Variants in RNF168 observed in about 807,000 individuals in gnomAD.
RNF168 encodes E3 ubiquitin-protein ligase RNF168.
Under a neutral mutation model 34.9 loss-of-function variants are expected in RNF168, and 34 were observed. That is an observed-to-expected ratio of 0.97 (90% CI 0.74 to 1.30). RNF168 has a LOEUF of 1.30. Among genes scored for constraint, RNF168 ranks in the 50% most tolerant of loss-of-function variants. The probability of loss-of-function intolerance (pLI) is 0.00; values close to 1 mark genes in which losing one functional copy is unlikely to be tolerated. For missense variants in RNF168, 725 were observed against 682.5 expected, an observed-to-expected ratio of 1.06 and a Z score of -0.69; for synonymous variants, 264 against 254.7, an observed-to-expected ratio of 1.04 and a Z score of -0.35.
intron 1 of RNF168, among the ~76,000 whole-genome samples, chr3:196,489,102 C>G (rs890588892): frequency 1.3e-5 from 2 of 152,100 alleles, no homozygotes; most frequent in African/African-American, 4.8e-5. Flanking sequence ...GTGATCCACC[C>G]GCCTTGGCCT....
At chr3:196,498,571 C>G (rs1376087887) in intron 1 of RNF168, among the ~76,000 whole-genome samples, 1 of 152,130 alleles carries the variant, frequency 6.6e-6, no homozygotes, top group East Asian at 1.9e-4. Context: ...GCACAAGAAC[C>G]TTCTCAGCAA....
At chr3:196,500,928 G>A (rs1732868835) in intron 1 of RNF168, among the ~76,000 whole-genome samples, 1 of 152,042 alleles carries the variant, frequency 6.6e-6, no homozygotes, top group South Asian at 2.1e-4. Flanking sequence ...AGCCAGGATG[G>A]TCTCGATCTC....
At chr3:196,481,225 T>A (rs1034791966) in intron 4 of RNF168, among the ~76,000 whole-genome samples, 1 of 152,176 alleles carries the variant, frequency 6.6e-6, no homozygotes, top group Non-Finnish European at 1.5e-5. Flanking sequence ...CTCTCCAGCA[T>A]GAGTCTGAAT....
chr3:196,493,860 T>TA (rs1560274852), intron 1 of RNF168, among the ~76,000 whole-genome samples: 1 of 151,164 alleles, frequency 6.6e-6, no homozygotes, highest in Admixed American at 6.6e-5. Flanking sequence ...AATTTATTTT[T>TA]TTTTTTTTTT....
rs1323893436 is a variant in RNF168 at position 196,472,416 on chromosome 3, TTC to T, written c.1117_1118del (p.Glu373LysfsTer2). The part of the protein sequence containing the change: ...QTNGNNTGET[E>X]NEESCLLISK... ...TGATCAGTAGGCACGACTCTTCATTTTCTGTCTCACCTGTGTTGTTTCCATTT... is the reference window on the plus strand; with the variant it reads ...TGATCAGTAGGCACGACTCTTCATTTTGTCTCACCTGTGTTGTTTCCATTT... On this transcript the variant is annotated frameshift_variant, in exon 6 of 6. Transcript: ENST00000318037. LOFTEE classifies it low-confidence loss of function (END_TRUNC). 2 of 1,613,436 alleles carry T rather than the reference TTC, an allele frequency of 1.2e-6. No homozygotes were observed. Among genetic ancestry groups the T allele is most frequent in the African/African-American group, 2.7e-5 (2 of 74,816 alleles).
chr3:196,470,995 T>C lies in RNF168; in HGVS notation c.*824A>G, dbSNP rs1731984885. ...GAGTTCAAGACCAGCCTGGCCAACA[T>C]GGTGAAATCCCATCTCTACTAAAAG... On this transcript the variant is annotated 3_prime_UTR_variant, in exon 6 of 6. Transcript: ENST00000318037. The C allele has an allele frequency of 6.9e-6, 1 of 145,100 alleles. No individual in the cohort carries two copies. Among genetic ancestry groups the C allele is most frequent in the Admixed American group, 7.0e-5 (1 of 14,356 alleles). The allele number at this position is 145,100 out of a possible 1,614,324, so 9.0% of individuals were successfully genotyped here.
At position 196,488,694 on chromosome 3, in the gene RNF168, T is replaced by A. The variant is rs1478296485; in HGVS notation, c.302-11A>T. 4.5e-6 allele frequency: 7 copies of A among 1,569,546 alleles called. No individual in the cohort carries two copies. Among genetic ancestry groups the A allele is most frequent in the Admixed American group, 3.3e-5 (2 of 59,712 alleles). Reference sequence around the variant, plus strand: ...GCTGATAGTCATCAGCTATTTCATATCAAAAAAGAAAATAACATTATAGGC... The same window carrying A: ...GCTGATAGTCATCAGCTATTTCATAACAAAAAAGAAAATAACATTATAGGC... On this transcript the variant is annotated splice_polypyrimidine_tract_variant and intron_variant, in intron 1 of 5. Transcript: ENST00000318037.
intron 2 of RNF168, 68 bp downstream of exon 2, chr3:196,488,539 A>T: frequency 1.0e-6 from 1 of 978,296 alleles, no homozygotes; most frequent in South Asian, 1.4e-5. Context: ...ACAAAAAACT[A>T]AATTAAAATC....
At chr3:196,478,529 G>A (rs1297361991) in intron 4 of RNF168, among the ~76,000 whole-genome samples, 4 of 152,136 alleles carry the variant, frequency 2.6e-5, no homozygotes, top group Non-Finnish European at 5.9e-5. Context: ...GGCTCGAGAG[G>A]CTGCCCAATT....
At chr3:196,487,348 C>T in intron 3 of RNF168, 51 bp downstream of exon 3, 1 of 1,438,992 alleles carries the variant, frequency 6.9e-7, no homozygotes, top group Middle Eastern at 1.7e-4. Flanking sequence ...GGTTCTGCAG[C>T]AGCGCATACC....
intron 3 of RNF168, among the ~76,000 whole-genome samples, chr3:196,484,198 T>C (rs1373313983): frequency 8.5e-6 from 1 of 117,094 alleles, no homozygotes; most frequent in Non-Finnish European, 1.7e-5. Context: ...TGAGACGCAG[T>C]CTCGCTCTGT....
chr3:196,495,787 G>A (rs1162058871), intron 1 of RNF168, among the ~76,000 whole-genome samples: 4 of 152,142 alleles, frequency 2.6e-5, no homozygotes, highest in Admixed American at 6.6e-5. Flanking sequence ...TTTGGCATCC[G>A]TTTGTAATTC....
At chr3:196,481,243 GA>G (rs1429516983) in intron 4 of RNF168, among the ~76,000 whole-genome samples, 1 of 152,100 alleles carries the variant, frequency 6.6e-6, no homozygotes, top group Non-Finnish European at 1.5e-5. Context: ...AATGCAGGTG[GA>G]GAGTAGCAGG....
At position 196,471,513 on chromosome 3, in the gene RNF168, T is replaced by G. The variant is rs758397245; in HGVS notation, c.*306A>C. On this transcript the variant is annotated 3_prime_UTR_variant, in exon 6 of 6. Coordinates refer to ENST00000318037, the MANE Select transcript of RNF168 (RefSeq NM_152617.4). ...TGAGCAAAGGCCATAAAACATGCAG[T>G]TTTTGGAAAGACAATGGCACTTGAA... 3.6e-5 allele frequency: 12 copies of G among 330,194 alleles called. No individual in the cohort carries two copies. The highest frequency in any genetic ancestry group is 8.7e-5 in the Admixed American group (2 of 22,888). The allele number at this position is 330,194 out of a possible 1,614,324, so 20.5% of individuals were successfully genotyped here.
In RNF168 at chr3:196,471,495, A is replaced by G. The variant is rs556707389; in HGVS notation, c.*324T>C. ...CCAGTCACGACAAAAAGGTGAGCAA[A>G]GGCCATAAAACATGCAGTTTTTGGA... On this transcript the variant is annotated 3_prime_UTR_variant, in exon 6 of 6. Transcript: ENST00000318037. The G allele has an allele frequency of 2.0e-5, 6 of 301,560 alleles. No homozygotes were observed. The highest frequency in any genetic ancestry group is 3.8e-5 in the Non-Finnish European group (6 of 157,528). The allele number at this position is 301,560 out of a possible 1,614,324, so 18.7% of individuals were successfully genotyped here.
At position 196,503,222 on chromosome 3, in the gene RNF168, G is replaced by T; in HGVS notation, c.-49C>A. ...TAAACAACGACACCTGCACGAAAAA[G>T]AATCCTATTTTCGGCCAACCACAGA... On this transcript the variant is annotated 5_prime_UTR_variant, in exon 1 of 6. Coordinates refer to ENST00000318037, the MANE Select transcript of RNF168 (RefSeq NM_152617.4). The T allele has an allele frequency of 1.3e-6, 2 of 1,554,358 alleles. No individual in the cohort carries two copies. Among genetic ancestry groups the T allele is most frequent in the South Asian group, 1.1e-5 (1 of 89,750 alleles).
chr3:196,472,417 T>A lies in RNF168; in HGVS notation c.1118A>T (p.Glu373Val). 1 of 1,613,544 alleles carries A rather than the reference T, an allele frequency of 6.2e-7. No individual in the cohort carries two copies. Among genetic ancestry groups the A allele is most frequent in the South Asian group, 1.1e-5 (1 of 90,952 alleles). ...GATCAGTAGGCACGACTCTTCATTT[T>A]CTGTCTCACCTGTGTTGTTTCCATT... is the stretch of plus-strand genomic sequence containing the variant. ...QTNGNNTGET[E>V]NEESCLLISK... Residue 373 changes from glutamate (E) to valine (V), a missense_variant, in exon 6 of 6, where the codon GAA becomes GTA. By Grantham distance (121) the Glu-to-Val change is moderately radical. Coordinates refer to ENST00000318037, the MANE Select transcript of RNF168 (RefSeq NM_152617.4).
chr3:196,482,386 T>C (rs1403383925), intron 4 of RNF168, among the ~76,000 whole-genome samples: 8 of 152,234 alleles, frequency 5.3e-5, no homozygotes, highest in Non-Finnish European at 8.8e-5. Flanking sequence ...TTTCGGTTAT[T>C]TGAATAATGT....
intron 1 of RNF168, among the ~76,000 whole-genome samples, chr3:196,498,199 C>A (rs183848155): frequency 7.2e-5 from 11 of 152,158 alleles, no homozygotes; most frequent in African/African-American, 2.7e-4. Flanking sequence ...ACTCTGTCAC[C>A]GAGGCTAGAG....
Sources: allele counts gnomAD v4.1 joint callset (sites outside exome capture counted in the v4.1 genomes callset), GRCh38; gene constraint gnomAD v4.1.1; transcripts MANE v1.5; gene names NCBI Gene and HGNC (gene_info 2026-07-23, HGNC 2026-07-21).